Variants in CTNND2 observed in about 807,000 individuals in gnomAD.
The protein encoded by CTNND2 is catenin delta-2.
Under a neutral mutation model 144.4 loss-of-function variants are expected in CTNND2, and 22 were observed. That is an observed-to-expected ratio of 0.15 (90% CI 0.11 to 0.22). The LOEUF (loss-of-function observed/expected upper bound fraction) is 0.22. Among genes scored for constraint, CTNND2 ranks in the 10% least tolerant of loss-of-function variants. The pLI is 1.00. For missense variants in CTNND2, 1,353 were observed against 1,618.8 expected, an observed-to-expected ratio of 0.84 and a Z score of 2.82; for synonymous variants, 751 against 695.6, an observed-to-expected ratio of 1.08 and a Z score of -1.25.
At chr5:11,892,544 T>C (rs1459292404) in intron 1 of CTNND2, among the ~76,000 whole-genome samples, 1 of 152,064 alleles carries the variant, frequency 6.6e-6, no homozygotes, top group African/African-American at 2.4e-5. Context: ...TTTTCCCTCA[T>C]AATCCACAAA....
At chr5:11,690,583 A>G (rs1184683895) in intron 2 of CTNND2, among the ~76,000 whole-genome samples, 1 of 151,810 alleles carries the variant, frequency 6.6e-6, no homozygotes, top group African/African-American at 2.4e-5. Context: ...AATACAAAAA[A>G]AAATTAGCCG....
At chr5:11,228,372 A>AC (rs1220145420) in intron 10 of CTNND2, among the ~76,000 whole-genome samples, 1 of 149,126 alleles carries the variant, frequency 6.7e-6, no homozygotes, top group Non-Finnish European at 1.5e-5. Flanking sequence ...AAAAAAAAAA[A>AC]AAAAAAACAA....
chr5:11,666,948 T>C (rs1412188152), intron 2 of CTNND2, among the ~76,000 whole-genome samples: 1 of 151,882 alleles, frequency 6.6e-6, no homozygotes, highest in Non-Finnish European at 1.5e-5. Context: ...CCCCAGTGTG[T>C]GATGTTCCCC....
rs187820073 is a variant in CTNND2, at chr5:11,099,446, C to T, written c.2464-698G>A. Reference sequence around the variant, plus strand: ...CATAATTTAGAAATTATGGCTTACACGCACAAAGGAATACCAGTCAACCAT... The same window carrying T: ...CATAATTTAGAAATTATGGCTTACATGCACAAAGGAATACCAGTCAACCAT... On this transcript the variant is annotated intron_variant, in intron 14 of 21. Transcript: ENST00000304623. 2.7e-4 allele frequency among the ~76,000 whole-genome samples: 41 copies of T among 152,224 alleles called. No individual in the cohort carries two copies. The East Asian group carries it at 6.9e-3, about 26-fold the overall frequency.
At chr5:10,978,789 G>A (rs1299049467) in intron 21 of CTNND2, among the ~76,000 whole-genome samples, 1 of 152,224 alleles carries the variant, frequency 6.6e-6, no homozygotes, top group Non-Finnish European at 1.5e-5. Flanking sequence ...GGAGACCTCT[G>A]GGAGAAAGGC....
At chr5:11,451,404 A>G (rs1250494956) in intron 3 of CTNND2, among the ~76,000 whole-genome samples, 1 of 152,206 alleles carries the variant, frequency 6.6e-6, no homozygotes, top group African/African-American at 2.4e-5. Context: ...GTGTGCCCAA[A>G]GACACAAATG....
In CTNND2 at chr5:10,973,564, C is replaced by G; in HGVS notation, c.3567G>C (p.Leu1189=). ...CGTAGTTGCCGGTGGACTTGAGACC[C>G]AGGTGCATGGTGTACTCGCTGGCGG... The part of the protein sequence containing the change: ...RPPASEYTMH[L]GLKSTGNYVD... The change falls in exon 22 of 22, where the codon CTG becomes CTC. Residue 1189 remains leucine, a synonymous_variant. Transcript: ENST00000304623. This position sits in a 1 kb window ranked among gnomAD's most constrained non-coding sequence, Gnocchi z 5.6. 6.2e-7 allele frequency: 1 copy of G among 1,614,138 alleles called. No individual in the cohort carries two copies. The highest frequency in any genetic ancestry group is 8.5e-7 in the Non-Finnish European group (1 of 1,180,022).
chr5:10,973,439 C>T lies in CTNND2; in HGVS notation c.*14G>A. ...TGCACATGCACTGTTCCCGGAGCGC[C>T]TGTGCCCTGCTCCTCACACCCAGGA... On this transcript the variant is annotated 3_prime_UTR_variant, in exon 22 of 22. Coordinates refer to ENST00000304623, the MANE Select transcript of CTNND2 (RefSeq NM_001332.4). The surrounding 1 kb of genome is among the most constrained non-coding windows in gnomAD (Gnocchi z 5.6). 1 of 1,567,734 alleles carries T rather than the reference C, an allele frequency of 6.4e-7. No homozygotes were observed. Among genetic ancestry groups the T allele is most frequent in the South Asian group, 1.2e-5 (1 of 83,514 alleles).
intron 3 of CTNND2, among the ~76,000 whole-genome samples, chr5:11,554,262 A>G (rs1776024372): frequency 6.6e-6 from 1 of 152,222 alleles, no homozygotes. Flanking sequence ...ATCTCAAAAC[A>G]ACTATAATCA....
At chr5:11,782,419 A>G (rs896159882) in intron 1 of CTNND2, among the ~76,000 whole-genome samples, 5 of 152,188 alleles carry the variant, frequency 3.3e-5, no homozygotes, top group African/African-American at 1.2e-4. Flanking sequence ...AGGAGATTAA[A>G]CCTAAATTAT....
chr5:11,586,742 A>G (rs1778891982), intron 2 of CTNND2, among the ~76,000 whole-genome samples: 2 of 152,230 alleles, frequency 1.3e-5, no homozygotes, highest in Admixed American at 1.3e-4. Flanking sequence ...ATATTTTTAA[A>G]CACTTGAAAC....
At chr5:11,250,504 T>C (rs1182257698) in intron 9 of CTNND2, among the ~76,000 whole-genome samples, 1 of 100,326 alleles carries the variant, frequency 1.0e-5, no homozygotes, top group African/African-American at 5.3e-5. Flanking sequence ...TATATATATA[T>C]ATATATATAC....
rs555388304 is a variant in CTNND2, at chr5:11,404,602, C to CTTTTTTTTTTTTTTTTTTTTTTTTTTT, written c.439+6907_439+6933dup. Among the ~76,000 whole-genome samples the CTTTTTTTTTTTTTTTTTTTTTTTTTTT allele has an allele frequency of 1.0e-4, 6 of 57,368 alleles. 2 individuals are homozygous for CTTTTTTTTTTTTTTTTTTTTTTTTTTT. The highest frequency in any genetic ancestry group is 8.5e-5 in the African/African-American group (2 of 23,574). 37.6% of individuals were successfully genotyped at this position (57,368 alleles called of 152,430 possible). On this transcript the variant is annotated intron_variant, in intron 5 of 21. Coordinates refer to ENST00000304623, the MANE Select transcript of CTNND2 (RefSeq NM_001332.4). ...ATCAGTATCTGTCAGTATCTGTATT[C>CTTTTTTTTTTTTTTTTTTTTTTTTTTT]TTTTTTTTTTTTTTTTTTTTTTTTT...
At chr5:11,238,738 TAC>T (rs1741907816) in intron 9 of CTNND2, among the ~76,000 whole-genome samples, 1 of 152,030 alleles carries the variant, frequency 6.6e-6, no homozygotes, top group Non-Finnish European at 1.5e-5. Flanking sequence ...CAGATATACA[TAC>T]ACACTATATA....
At chr5:11,307,822 T>A (rs1238619432) in intron 9 of CTNND2, among the ~76,000 whole-genome samples, 1 of 152,226 alleles carries the variant, frequency 6.6e-6, no homozygotes, top group African/African-American at 2.4e-5. Flanking sequence ...GGCTGAATGT[T>A]GGTGTCCCTG....
intron 1 of CTNND2, among the ~76,000 whole-genome samples, chr5:11,886,211 TG>T (rs1175160224): frequency 5.3e-5 from 8 of 151,496 alleles, no homozygotes; most frequent in Non-Finnish European, 1.2e-4. Flanking sequence ...AAAATATCAA[TG>T]AAACAAAAAG....
chr5:11,335,592 T>C (rs911923689), intron 9 of CTNND2, among the ~76,000 whole-genome samples: 4 of 152,104 alleles, frequency 2.6e-5, no homozygotes, highest in Non-Finnish European at 4.4e-5. Context: ...GTAGTACACA[T>C]TGAAGAATAA....
At chr5:11,439,965 T>C (rs1231376422) in intron 3 of CTNND2, among the ~76,000 whole-genome samples, 1 of 151,950 alleles carries the variant, frequency 6.6e-6, no homozygotes, top group Non-Finnish European at 1.5e-5. Flanking sequence ...GCCACCACCA[T>C]GCCTGGTCCA....
At chr5:11,792,195 T>C (rs1038449021) in intron 1 of CTNND2, among the ~76,000 whole-genome samples, 3 of 152,176 alleles carry the variant, frequency 2.0e-5, no homozygotes, top group Admixed American at 6.5e-5. Flanking sequence ...TCTAATTACA[T>C]AGTTAGGAAG....
Sources: allele counts gnomAD v4.1 joint callset (sites outside exome capture counted in the v4.1 genomes callset), GRCh38; gene constraint gnomAD v4.1.1; non-coding constraint Gnocchi (gnomAD v3.1); transcripts MANE v1.5; gene names NCBI Gene and HGNC (gene_info 2026-07-23, HGNC 2026-07-21).